Variants in SNX19 observed in about 807,000 individuals in gnomAD.
SNX19 encodes sorting nexin 19.
In SNX19, 60 loss-of-function variants were observed where a neutral mutation model predicts 85.2. That is an observed-to-expected ratio of 0.70 (90% confidence interval 0.57 to 0.87). The LOEUF is 0.87. SNX19 is among the 40% of genes least tolerant of loss of function. The pLI is 0.00. For synonymous variants in SNX19, 520 were observed against 470.0 expected (o/e 1.11, Z -1.38); for missense variants, 1,201 against 1,217.8 (o/e 0.99, Z 0.21).
intron 1 of SNX19, 81 bp from the exon 2 acceptor site, chr11:130,911,852 A>G (rs1946157579): frequency 2.9e-6 from 4 of 1,375,966 alleles, no homozygotes; most frequent in Non-Finnish European, 4.1e-6. Flanking sequence ...TACTTGGTCA[A>G]TGGCCACATA....
intron 8 of SNX19, among the ~76,000 whole-genome samples, chr11:130,889,018 T>C (rs926521849): frequency 6.6e-6 from 1 of 152,174 alleles, no homozygotes; most frequent in African/African-American, 2.4e-5. Flanking sequence ...GCTTTCACCA[T>C]GTAATCAGTT....
chr11:130,896,481 G>A (rs1402042911), intron 8 of SNX19, among the ~76,000 whole-genome samples: 1 of 152,176 alleles, frequency 6.6e-6, no homozygotes, highest in Non-Finnish European at 1.5e-5. Context: ...AGCAAGAGAG[G>A]CTAGATGGGA....
chr11:130,908,319 A>C (rs1945833143), intron 4 of SNX19: 1 of 329,448 alleles, frequency 3.0e-6, no homozygotes, highest in African/African-American at 2.1e-5. Context: ...AAACAACGCC[A>C]TGGGAAAAGA....
At chr11:130,896,091 C>T (rs1352762145) in intron 8 of SNX19, among the ~76,000 whole-genome samples, 1 of 152,216 alleles carries the variant, frequency 6.6e-6, no homozygotes, top group African/African-American at 2.4e-5. Context: ...AAGCCAATGA[C>T]TGGAGAGCCA....
intron 8 of SNX19, among the ~76,000 whole-genome samples, chr11:130,881,893 G>C (rs1943702642): frequency 6.6e-6 from 1 of 152,194 alleles, no homozygotes; most frequent in South Asian, 2.1e-4. Flanking sequence ...ATTATAAGCT[G>C]TAAGAGTTCT....
chr11:130,913,733 A>G (rs964112270), intron 1 of SNX19, among the ~76,000 whole-genome samples: 2 of 152,182 alleles, frequency 1.3e-5, no homozygotes, highest in African/African-American at 2.4e-5. Flanking sequence ...ACCTATGTCT[A>G]TCTCAGAAGA....
intron 4 of SNX19, 98 bp from the exon 5 acceptor site, chr11:130,908,181 G>A: frequency 7.1e-7 from 1 of 1,411,676 alleles, no homozygotes; most frequent in Admixed American, 2.3e-5. Context: ...AACAGGACAA[G>A]GAGAGGGGCC....
At chr11:130,897,662 A>C (rs1305432992) in intron 8 of SNX19, among the ~76,000 whole-genome samples, 1 of 152,108 alleles carries the variant, frequency 6.6e-6, no homozygotes. Flanking sequence ...CCTTGGCTGG[A>C]TCTTCCTGCC....
At chr11:130,913,760 C>T (rs916781780) in intron 1 of SNX19, among the ~76,000 whole-genome samples, 9 of 152,110 alleles carry the variant, frequency 5.9e-5, no homozygotes, top group African/African-American at 1.9e-4. Context: ...GTTTTTGACT[C>T]TTGGAGGTGT....
chr11:130,884,458 G>A (rs1943903983), intron 8 of SNX19, among the ~76,000 whole-genome samples: 1 of 152,126 alleles, frequency 6.6e-6, no homozygotes, highest in South Asian at 2.1e-4. Context: ...TACATCATAG[G>A]AGGTTTTCCA....
intron 2 of SNX19, 79 bp downstream of exon 2, chr11:130,911,554 C>A: frequency 6.3e-7 from 1 of 1,592,802 alleles, no homozygotes; most frequent in South Asian, 1.1e-5. Flanking sequence ...TCCCCGATCC[C>A]TCCCATAAAC....
intron 8 of SNX19, 90 bp from the exon 9 acceptor site, chr11:130,880,896 T>A: frequency 8.7e-7 from 1 of 1,143,884 alleles, no homozygotes; most frequent in Admixed American, 2.3e-5. Context: ...CCCCTGCAGA[T>A]TCGTGTGTCA....
intron 1 of SNX19, among the ~76,000 whole-genome samples, chr11:130,913,977 T>C (rs1017529630): frequency 5.3e-5 from 8 of 152,220 alleles, no homozygotes; most frequent in African/African-American, 1.9e-4. Flanking sequence ...AGAATCTGTA[T>C]ATCTGAAAGG....
rs565356686 is a variant in SNX19, at chr11:130,897,821, G to C, written c.2573+5434C>G. Among the ~76,000 whole-genome samples, 3 of 152,306 alleles carry C rather than the reference G, an allele frequency of 2.0e-5. No individual in the cohort carries two copies. In the South Asian group the frequency reaches 6.2e-4, roughly 32 times the overall value. On this transcript the variant is annotated intron_variant, in intron 8 of 10. Transcript: ENST00000265909. The stretch of plus-strand genomic sequence containing the variant: ...TTTCTTCTGTTTTCGGGCATGAGCA[G>C]AGTTTGCACAAGCCGGATTTGCTCC...
At chr11:130,903,982 G>C (rs767670256) in intron 7 of SNX19, among the ~76,000 whole-genome samples, 1 of 152,104 alleles carries the variant, frequency 6.6e-6, no homozygotes, top group Non-Finnish European at 1.5e-5. Flanking sequence ...ACAGAGCTGT[G>C]GGGTTAGGAT....
At chr11:130,884,675 T>C (rs1565511443) in intron 8 of SNX19, among the ~76,000 whole-genome samples, 1 of 151,986 alleles carries the variant, frequency 6.6e-6, no homozygotes, top group Non-Finnish European at 1.5e-5. Context: ...TAGACCAGCC[T>C]GGCCAACATG....
chr11:130,870,873 T>C lies in SNX19; in HGVS notation c.*7549A>G, dbSNP rs549257715. ...ATAGGACTAAAAAAGATAAAAGATA[T>C]GTTCGTTGCCCTTGAAGAATTATAG... On this transcript the variant is annotated 3_prime_UTR_variant, in exon 11 of 11. Transcript: ENST00000265909. Among the ~76,000 whole-genome samples, 4 of 152,124 alleles carry C rather than the reference T, an allele frequency of 2.6e-5. No individual in the cohort carries two copies. The East Asian group carries it at 5.8e-4, about 22-fold the overall frequency.
At chr11:130,899,728 T>C (rs1482036584) in intron 8 of SNX19, among the ~76,000 whole-genome samples, 1 of 152,238 alleles carries the variant, frequency 6.6e-6, no homozygotes, top group Non-Finnish European at 1.5e-5. Flanking sequence ...CCTGGAAATA[T>C]GTACAATGAA....
intron 10 of SNX19, 66 bp from the exon 11 acceptor site, chr11:130,878,620 C>T: frequency 1.9e-6 from 3 of 1,548,280 alleles, no homozygotes; most frequent in Non-Finnish European, 1.8e-6. Context: ...CTGTTTATGA[C>T]ATTTATTTTC....
Sources: gnomAD v4.1 joint callset for allele counts (sites outside exome capture counted in the v4.1 genomes callset) on GRCh38, gnomAD v4.1.1 for gene constraint, MANE v1.5 for transcripts, NCBI Gene and HGNC (gene_info 2026-07-23, HGNC 2026-07-21) for gene names.